The following FBRSL1 variants were observed in gnomAD, a reference collection of about 807,000 sequenced individuals.
FBRSL1 encodes the protein fibrosin like 1, also known as fibrosin-1-like protein.
Under a neutral mutation model 89.6 loss-of-function variants are expected in FBRSL1, and 51 were observed. The ratio of observed to expected loss-of-function variants is 0.57; its 90% confidence interval spans 0.45 to 0.72. FBRSL1 has a LOEUF of 0.72. FBRSL1 is among the 30% of genes least tolerant of loss of function. The pLI is 0.00. For missense variants in FBRSL1, 1,618 were observed against 1,451.8 expected, an observed-to-expected ratio of 1.11 and a Z score of -1.86; for synonymous variants, 779 against 681.1, an observed-to-expected ratio of 1.14 and a Z score of -2.24.
intron 4 of FBRSL1, among the ~76,000 whole-genome samples, chr12:132,535,964 C>T (rs1005210374): frequency 4.0e-5 from 6 of 149,234 alleles, no homozygotes; most frequent in African/African-American, 7.5e-5. Flanking sequence ...TGTGAGCACA[C>T]GTGTGTCCAT....
At chr12:132,558,506 G>C (rs1209209403) in intron 5 of FBRSL1, among the ~76,000 whole-genome samples, 1 of 152,256 alleles carries the variant, frequency 6.6e-6, no homozygotes, top group African/African-American at 2.4e-5. Flanking sequence ...CGTTTTCATG[G>C]CAGGAAACAG....
rs1412152190 is a variant in FBRSL1 at position 132,571,084 on chromosome 12, C to A, written c.1230C>A (p.Val410=). ...TGCCTCTAGATGCCAGCCTGGCGGTCTCATTCAGCCAGCCAATCATGTATT... is the reference window on the plus strand; with the variant it reads ...TGCCTCTAGATGCCAGCCTGGCGGTATCATTCAGCCAGCCAATCATGTATT... ...PGHPADASLA[V]SFSQPIMYCQ... is the part of the protein sequence containing the mutation. The change falls in exon 9 of 19, where the codon GTC becomes GTA. Residue 410 remains valine (V), a synonymous_variant. Transcript: ENST00000680143. 7.4e-7 allele frequency: 1 copy of A among 1,348,078 alleles called. No homozygotes were observed. The highest frequency in any genetic ancestry group is 1.5e-5 in the African/African-American group (1 of 67,166). The allele number at this position is 1,348,078 out of a possible 1,614,324, so 83.5% of individuals were successfully genotyped here. A position where few individuals can be genotyped will look rare whatever the true frequency, so the allele number is the denominator to read the frequency against.
At chr12:132,545,683 C>G (rs2037630729) in intron 4 of FBRSL1, among the ~76,000 whole-genome samples, 1 of 152,216 alleles carries the variant, frequency 6.6e-6, no homozygotes, top group South Asian at 2.1e-4. Flanking sequence ...AACCCAGGCT[C>G]AAGCAGGGAT....
intron 11 of FBRSL1, among the ~76,000 whole-genome samples, chr12:132,573,668 G>GGA (rs979886815): frequency 6.9e-5 from 2 of 28,966 alleles, no homozygotes; most frequent in Non-Finnish European, 2.5e-4. Flanking sequence ...CTGGGGAGGA[G>GGA]GGGGCTGTGG....
In FBRSL1 at chr12:132,508,333, C is replaced by G. The variant is rs919160397; in HGVS notation, c.472C>G (p.Leu158Val). ...PACDGARKVPLQPSKQMKVTV... is the reference protein window; with the variant it reads ...PACDGARKVPVQPSKQMKVTV... Reference sequence around the variant, plus strand: ...CTGCGATGGGGCGAGAAAGGTCCCACTGCAGCCCTCCAAGCAGGTGAGCAG... The same window carrying G: ...CTGCGATGGGGCGAGAAAGGTCCCAGTGCAGCCCTCCAAGCAGGTGAGCAG... Residue 158 changes from leucine (L) to valine (V), a missense_variant, in exon 2 of 19, where the codon CTG (leucine) becomes GTG (valine). Leu to Val is a conservative substitution (Grantham distance 32). Transcript: ENST00000680143. The G allele has an allele frequency of 6.5e-7, 1 of 1,533,710 alleles. No individual in the cohort carries two copies.
At chr12:132,581,615 G>A (rs2040754929) in intron 16 of FBRSL1, 99 bp downstream of exon 16, 2 of 1,492,768 alleles carry the variant, frequency 1.3e-6, no homozygotes, top group Admixed American at 2.0e-5. Context: ...CGAGCCCCAG[G>A]GAGCCCCTTG....
intron 2 of FBRSL1, chr12:132,511,827 C>G (rs974133844): frequency 9.1e-6 from 9 of 984,240 alleles, no homozygotes; most frequent in Non-Finnish European, 9.7e-6. Context: ...CCTCCGGGCC[C>G]CCTCGCTCCC....
chr12:132,577,073 G>C, intron 15 of FBRSL1, 142 bp downstream of exon 15: 1 of 1,203,388 alleles, frequency 8.3e-7, no homozygotes, highest in Non-Finnish European at 1.1e-6. Context: ...CACTTATTCA[G>C]GTCAAAGCCT....
At chr12:132,532,728 AG>A (rs1427737947) in intron 4 of FBRSL1, among the ~76,000 whole-genome samples, 1 of 28,756 alleles carries the variant, frequency 3.5e-5, no homozygotes, top group Non-Finnish European at 7.9e-5. Context: ...GGAGGGTGGG[AG>A]GGGGGGCCAG....
At chr12:132,558,376 G>A (rs1293818209) in intron 5 of FBRSL1, among the ~76,000 whole-genome samples, 1 of 152,224 alleles carries the variant, frequency 6.6e-6, no homozygotes, top group Non-Finnish European at 1.5e-5. Context: ...TCGGTGAGAC[G>A]AGTGGTGGCT....
intron 14 of FBRSL1, among the ~76,000 whole-genome samples, 157 bp from the exon 15 acceptor site, chr12:132,576,642 C>T (rs1326080818): frequency 6.6e-6 from 1 of 152,208 alleles, no homozygotes; most frequent in Non-Finnish European, 1.5e-5. Context: ...GTAACATTTC[C>T]GTCATCCTGA....
At chr12:132,535,739 T>A (rs1593385374) in intron 4 of FBRSL1, among the ~76,000 whole-genome samples, 1 of 152,088 alleles carries the variant, frequency 6.6e-6, no homozygotes, top group Non-Finnish European at 1.5e-5. Context: ...CGGTTAGGAG[T>A]CCTGCATGTG....
rs1050610978 is a variant in FBRSL1 at position 132,490,189 on chromosome 12, C to G, written c.-382C>G. 1 of 109,678 alleles carries G rather than the reference C, an allele frequency of 9.1e-6. No individual in the cohort carries two copies. The highest frequency in any genetic ancestry group is 1.9e-5 in the Non-Finnish European group (1 of 53,998). 6.8% of individuals were successfully genotyped at this position (109,678 alleles called of 1,614,324 possible). ...TGTTCGGGGCGCCGCCGCCGCCTCACGAGCCCGGTGCCCAGGAGCCCGGCC... is the reference window on the plus strand; with the variant it reads ...TGTTCGGGGCGCCGCCGCCGCCTCAGGAGCCCGGTGCCCAGGAGCCCGGCC... On this transcript the variant is annotated 5_prime_UTR_variant, in exon 1 of 19. Coordinates refer to ENST00000680143, the MANE Select transcript of FBRSL1 (RefSeq NM_001367871.1).
chr12:132,509,823 C>G lies in FBRSL1; in HGVS notation c.489+1473C>G, dbSNP rs997712845. 4 of 1,231,606 alleles carry G rather than the reference C, an allele frequency of 3.2e-6. No individual in the cohort carries two copies. The Admixed American group carries it at 1.7e-4, about 52-fold the overall frequency. The allele number at this position is 1,231,606 out of a possible 1,614,324, so 76.3% of individuals were successfully genotyped here. ...GTGGTCGCTGCTAGCCCAGTGCCAG[C>G]GGTACCAGCCCCCGCGGCCACTCCT... On this transcript the variant is annotated intron_variant, in intron 2 of 18. Transcript: ENST00000680143.
intron 5 of FBRSL1, among the ~76,000 whole-genome samples, chr12:132,566,869 C>T (rs535045924): frequency 1.8e-4 from 28 of 152,124 alleles, no homozygotes; most frequent in Non-Finnish European, 2.6e-4. Context: ...GGAGCTCGGC[C>T]GACCCCAGGC....
chr12:132,517,618 G>A (rs1054711917), intron 2 of FBRSL1, among the ~76,000 whole-genome samples: 5 of 152,218 alleles, frequency 3.3e-5, no homozygotes, highest in African/African-American at 1.2e-4. Context: ...AGAAGGCACC[G>A]TTAGACCAGG....
intron 2 of FBRSL1, among the ~76,000 whole-genome samples, chr12:132,523,958 T>C (rs911881847): frequency 3.3e-5 from 5 of 152,112 alleles, no homozygotes; most frequent in African/African-American, 7.2e-5. Context: ...TGGTGCCAGC[T>C]CCGGGGGTGA....
intron 5 of FBRSL1, chr12:132,550,916 T>TA (rs1312095526): frequency 3.5e-5 from 6 of 171,358 alleles, no homozygotes; most frequent in Admixed American, 1.6e-4. Flanking sequence ...GTCAGGAACT[T>TA]ACGCTGGGCG....
chr12:132,564,641 G>A (rs1037579407), intron 5 of FBRSL1, among the ~76,000 whole-genome samples: 6 of 123,396 alleles, frequency 4.9e-5, no homozygotes, highest in Admixed American at 9.5e-5. Context: ...GACTACAGGC[G>A]CCCGCCACCA....
Sources: allele counts gnomAD v4.1 joint callset (sites outside exome capture counted in the v4.1 genomes callset), GRCh38; gene constraint gnomAD v4.1.1; transcripts MANE v1.5; gene names NCBI Gene and HGNC (gene_info 2026-07-23, HGNC 2026-07-21).